RPA2: variants seen among roughly 807,000 people sequenced by gnomAD.
The protein encoded by RPA2 is replication protein A 32 kDa subunit.
A neutral mutation model predicts 33.4 loss-of-function variants in RPA2; 22 were observed. That is an observed-to-expected ratio of 0.66 (90% CI 0.47 to 0.94). RPA2 has a LOEUF of 0.94. Ranked by LOEUF, RPA2 falls within the 40% of genes least tolerant of loss-of-function variation. RPA2 has a pLI of 0.00. For missense variants in RPA2, 279 were observed against 329.9 expected (o/e 0.85, Z 1.19); for synonymous variants, 109 against 114.9 (o/e 0.95, Z 0.33).
intron 4 of RPA2, 108 bp downstream of exon 4, chr1:27,906,820 T>A (rs1387827837): frequency 1.4e-6 from 1 of 698,450 alleles, no homozygotes; most frequent in Non-Finnish European, 2.4e-6. Context: ...CTGTCTTTGA[T>A]GTCTTTTTGT....
At chr1:27,909,334 AG>A (rs930518787) in intron 2 of RPA2, among the ~76,000 whole-genome samples, 17 of 152,324 alleles carry the variant, frequency 1.1e-4, no homozygotes, top group African/African-American at 4.1e-4. Context: ...TTGCCACAAC[AG>A]GATAAAGCAA....
At chr1:27,902,151 A>G (rs2089975710) in intron 4 of RPA2, among the ~76,000 whole-genome samples, 1 of 152,070 alleles carries the variant, frequency 6.6e-6, no homozygotes, top group Non-Finnish European at 1.5e-5. Flanking sequence ...CAGTGACGCA[A>G]TCTTGACTCA....
At chr1:27,908,202 C>T (rs910532363) in intron 2 of RPA2, among the ~76,000 whole-genome samples, 3 of 152,118 alleles carry the variant, frequency 2.0e-5, no homozygotes, top group Admixed American at 2.0e-4. Flanking sequence ...CAGCTCACTG[C>T]AGCCTCAAAC....
intron 6 of RPA2, among the ~76,000 whole-genome samples, chr1:27,894,982 GTCC>G (rs1399209960): frequency 6.6e-6 from 1 of 152,088 alleles, no homozygotes; most frequent in Non-Finnish European, 1.5e-5. Context: ...GTCTCTTTCA[GTCC>G]TCCTAATACT....
chr1:27,907,114 T>C, intron 3 of RPA2, 67 bp downstream of exon 3: 1 of 1,577,904 alleles, frequency 6.3e-7, no homozygotes, highest in Non-Finnish European at 8.6e-7. Context: ...TTTTTGTATT[T>C]TTTAATGAAG....
chr1:27,911,094 T>C (rs1396611185), intron 2 of RPA2, among the ~76,000 whole-genome samples: 3 of 151,852 alleles, frequency 2.0e-5, no homozygotes. Flanking sequence ...CATGCGCCTG[T>C]AGTCACAGCT....
chr1:27,914,673 G>C (rs758295946), upstream of RPA2: 113 of 1,613,002 alleles, frequency 7.0e-5, no homozygotes, highest in Middle Eastern at 3.3e-4. Context: ...TCCAGAAAAC[G>C]CGTACTGCGC....
intron 2 of RPA2, among the ~76,000 whole-genome samples, chr1:27,911,510 G>A (rs1386699545): frequency 6.6e-6 from 1 of 152,194 alleles, no homozygotes; most frequent in African/African-American, 2.4e-5. Flanking sequence ...AGCTTGGGAA[G>A]AAAAGATGAG....
At position 27,912,018 on chromosome 1, in the gene RPA2, C is replaced by T. The variant is rs28988898; in HGVS notation, c.117+2045G>A. 5.1e-3 allele frequency among the ~76,000 whole-genome samples: 769 copies of T among 151,830 alleles called. 4 individuals carry two copies. The highest frequency in any genetic ancestry group is 8.1e-3 in the Non-Finnish European group (550 of 67,934). On this transcript the variant is annotated intron_variant, in intron 2 of 8. Coordinates refer to ENST00000373912, the MANE Select transcript of RPA2 (RefSeq NM_002946.5). ...CTGAGGCAGGAGAATGGCGTGAAGCCGGGAGGCAGAGGTTGCAGTGAGCCC... is the reference window on the plus strand; with the variant it reads ...CTGAGGCAGGAGAATGGCGTGAAGCTGGGAGGCAGAGGTTGCAGTGAGCCC...
At chr1:27,908,718 G>C (rs1210963513) in intron 2 of RPA2, among the ~76,000 whole-genome samples, 1 of 152,052 alleles carries the variant, frequency 6.6e-6, no homozygotes, top group African/African-American at 2.4e-5. Context: ...GGCTGGTCTC[G>C]AACACCTGAC....
At chr1:27,909,061 A>G (rs2090065943) in intron 2 of RPA2, among the ~76,000 whole-genome samples, 1 of 152,204 alleles carries the variant, frequency 6.6e-6, no homozygotes, top group Non-Finnish European at 1.5e-5. Flanking sequence ...GAGAATTTCA[A>G]CAGCGAAAAA....
At chr1:27,908,620 C>T (rs28988915) in intron 2 of RPA2, among the ~76,000 whole-genome samples, 4 of 151,912 alleles carry the variant, frequency 2.6e-5, no homozygotes, top group African/African-American at 9.7e-5. Flanking sequence ...CTCAGCCCCC[C>T]CGAGTAGCTG....
At chr1:27,892,707 A>C (rs1472011570) in intron 8 of RPA2, among the ~76,000 whole-genome samples, 3 of 152,226 alleles carry the variant, frequency 2.0e-5, no homozygotes, top group African/African-American at 7.2e-5. Context: ...CAAACCCTTC[A>C]AGGTCCTCAG....
chr1:27,914,658 C>CATGCTCCAGAAAACGCGTACT (rs1316842022), upstream of RPA2: 1 of 1,613,624 alleles, frequency 6.2e-7, no homozygotes, highest in South Asian at 1.1e-5. Flanking sequence ...CTCCTCTGCC[C>CATGCTCCAGAAAACGCGTACT]ATGCTCCAGA....
chr1:27,913,069 C>CA (rs1176702252), intron 2 of RPA2, among the ~76,000 whole-genome samples: 1 of 152,082 alleles, frequency 6.6e-6, no homozygotes, highest in Non-Finnish European at 1.5e-5. Context: ...TCCCCTGCTT[C>CA]AGCCTCCCTA....
upstream of RPA2, chr1:27,914,683 C>T (rs1571629067): frequency 4.3e-6 from 7 of 1,612,614 alleles, no homozygotes; most frequent in Non-Finnish European, 5.9e-6. Flanking sequence ...GCGTACTGCG[C>T]TCCCAGTTGG....
At chr1:27,901,331 G>T (rs2089964381) in intron 4 of RPA2, among the ~76,000 whole-genome samples, 1 of 152,014 alleles carries the variant, frequency 6.6e-6, no homozygotes, top group Non-Finnish European at 1.5e-5. Context: ...TCGGATAACT[G>T]ATTATTACAA....
chr1:27,906,770 G>A (rs1010274361), intron 4 of RPA2, among the ~76,000 whole-genome samples, 158 bp downstream of exon 4: 4 of 152,054 alleles, frequency 2.6e-5, no homozygotes, highest in African/African-American at 9.7e-5. Flanking sequence ...ATATTGGGAA[G>A]GTATATAGTC....
rs750131407 is a variant in RPA2 at position 27,907,061 on chromosome 1, G to GA, written c.220-21dup. 97,353 of 947,854 alleles carry GA rather than the reference G, an allele frequency of 0.1. No homozygotes were observed. Among genetic ancestry groups the GA allele is most frequent in the South Asian group, 0.13 (6,481 of 48,862 alleles). 58.7% of individuals were successfully genotyped at this position (947,854 alleles called of 1,614,324 possible). On this transcript the variant is annotated intron_variant, in intron 3 of 8. Coordinates refer to ENST00000373912, the MANE Select transcript of RPA2 (RefSeq NM_002946.5). ...AGTGACCTAGGTTAGAAGAAACAAA[G>GA]AAAAAAAAAAAAGGTCTGGTTCCCC... is the stretch of plus-strand genomic sequence containing the variant.
Sources: allele counts gnomAD v4.1 joint callset (sites outside exome capture counted in the v4.1 genomes callset), GRCh38; gene constraint gnomAD v4.1.1; transcripts MANE v1.5; gene names NCBI Gene and HGNC (gene_info 2026-07-23, HGNC 2026-07-21).